RAI14: variants seen among roughly 807,000 people sequenced by gnomAD.
The protein encoded by RAI14 is retinoic acid induced 14.
In RAI14, 45 loss-of-function variants were observed where a neutral mutation model predicts 115.4. The ratio of observed to expected loss-of-function variants is 0.39; its 90% confidence interval spans 0.31 to 0.50. RAI14 has a LOEUF of 0.50. RAI14 is among the 20% of genes least tolerant of loss of function. The pLI, the probability that RAI14 is intolerant of heterozygous loss-of-function variation, is 0.85. For synonymous variants in RAI14, 371 were observed against 415.4 expected (o/e 0.89, Z 1.30); for missense variants, 939 against 1,131.2 (o/e 0.83, Z 2.44).
intron 2 of RAI14, among the ~76,000 whole-genome samples, chr5:34,703,353 G>C (rs1204278474): frequency 1.3e-5 from 2 of 152,144 alleles, no homozygotes; most frequent in Non-Finnish European, 2.9e-5. Flanking sequence ...CTAAAAATTA[G>C]AAACCACTTA....
intron 2 of RAI14, among the ~76,000 whole-genome samples, chr5:34,720,532 TC>T (rs1742560657): frequency 6.8e-6 from 1 of 147,496 alleles, no homozygotes; most frequent in Admixed American, 7.0e-5. Context: ...TGCCTCAGCC[TC>T]CCGAGTAGCT....
At chr5:34,808,945 T>C (rs577426935) in intron 7 of RAI14, among the ~76,000 whole-genome samples, 6 of 152,174 alleles carry the variant, frequency 3.9e-5, no homozygotes, top group Non-Finnish European at 8.8e-5. Flanking sequence ...GCTGATCTTA[T>C]AGGCAGTACT....
chr5:34,690,419 T>G (rs996257372), intron 2 of RAI14, among the ~76,000 whole-genome samples: 3 of 152,214 alleles, frequency 2.0e-5, no homozygotes, highest in African/African-American at 7.2e-5. Flanking sequence ...TGTGATCGCA[T>G]TTCAGCCAGC....
At chr5:34,685,480 G>T (rs1230569796) in intron 1 of RAI14, among the ~76,000 whole-genome samples, 1 of 151,582 alleles carries the variant, frequency 6.6e-6, no homozygotes, top group Non-Finnish European at 1.5e-5. Flanking sequence ...AGGGATAAAA[G>T]ACAACATATT....
intron 2 of RAI14, among the ~76,000 whole-genome samples, chr5:34,745,862 G>A (rs895662423): frequency 6.6e-6 from 1 of 151,984 alleles, no homozygotes; most frequent in Admixed American, 6.6e-5. Context: ...CCACTGACCG[G>A]GCTTACTCTG....
At chr5:34,727,757 C>T (rs969370659) in intron 2 of RAI14, among the ~76,000 whole-genome samples, 3 of 152,120 alleles carry the variant, frequency 2.0e-5, no homozygotes, top group African/African-American at 4.8e-5. Flanking sequence ...GTTTGGGAAC[C>T]TCCGCCTAGA....
rs1018665162 is a variant in RAI14 at position 34,827,752 on chromosome 5, T to C, written c.2799+1273T>C. Among the ~76,000 whole-genome samples the C allele has an allele frequency of 6.6e-6, 1 of 152,230 alleles. No individual in the cohort carries two copies. Among genetic ancestry groups the C allele is most frequent in the African/African-American group, 2.4e-5 (1 of 41,450 alleles). ...CTATTGGTTTATACAGTAATTCTTA[T>C]AATTACGCAACATGTGTTTGTTGAG... On this transcript the variant is annotated intron_variant, in intron 16 of 17. Transcript: ENST00000265109. This position sits in a 1 kb window ranked among gnomAD's most constrained non-coding sequence, Gnocchi z 4.2.
In RAI14 at chr5:34,791,405, A is replaced by G. The variant is rs115921171; in HGVS notation, c.168-4534A>G. Among the ~76,000 whole-genome samples the G allele has an allele frequency of 6.2e-3, 951 of 152,260 alleles. 9 individuals are homozygous for G. The highest frequency in any genetic ancestry group is 0.022 in the African/African-American group (925 of 41,538). On this transcript the variant is annotated intron_variant, in intron 3 of 17. Transcript: ENST00000265109. The surrounding 1 kb of genome is among the most constrained non-coding windows in gnomAD (Gnocchi z 5.4). ...TTTGAAGTCACTTATTATATGCCATATAATTAAAAAGTTATATGGTATATT... is the reference window on the plus strand; with the variant it reads ...TTTGAAGTCACTTATTATATGCCATGTAATTAAAAAGTTATATGGTATATT...
chr5:34,793,603 A>T (rs1753177453), intron 3 of RAI14, among the ~76,000 whole-genome samples: 1 of 152,338 alleles, frequency 6.6e-6, no homozygotes, highest in East Asian at 1.9e-4. Context: ...AGCTTTCTTT[A>T]CATGTTATAT....
At chr5:34,671,586 C>A (rs1414555604) in intron 1 of RAI14, among the ~76,000 whole-genome samples, 1 of 151,758 alleles carries the variant, frequency 6.6e-6, no homozygotes, top group African/African-American at 2.4e-5. Context: ...TGCAAGCAAA[C>A]CACTAATACA....
intron 2 of RAI14, among the ~76,000 whole-genome samples, chr5:34,690,102 T>C (rs368466401): frequency 6.6e-6 from 1 of 152,206 alleles, no homozygotes; most frequent in African/African-American, 2.4e-5. Context: ...TGTTTTTCAA[T>C]GTATGCCTTT....
In RAI14 at chr5:34,732,792, A is replaced by C. The variant is rs182300015; in HGVS notation, c.37-24676A>C. Reference sequence around the variant, plus strand: ...ATATTATATTTATGATATATATTTTAAAGTCATTTATGTATATATATAATA... The same window carrying C: ...ATATTATATTTATGATATATATTTTCAAGTCATTTATGTATATATATAATA... On this transcript the variant is annotated intron_variant, in intron 2 of 17. Transcript: ENST00000265109. 3.6e-4 allele frequency among the ~76,000 whole-genome samples: 54 copies of C among 148,748 alleles called. No individual in the cohort carries two copies. In the East Asian group the frequency reaches 0.01, roughly 28 times the overall value.
intron 3 of RAI14, among the ~76,000 whole-genome samples, chr5:34,758,937 G>A (rs1269745188): frequency 1.3e-5 from 2 of 152,114 alleles, no homozygotes; most frequent in Non-Finnish European, 2.9e-5. Context: ...AAGAAACCTG[G>A]GGTATCTGTC....
chr5:34,781,136 A>G (rs12656657), intron 3 of RAI14, among the ~76,000 whole-genome samples: 2 of 148,124 alleles, frequency 1.4e-5, no homozygotes, highest in Non-Finnish European at 3.0e-5. Context: ...AAAACCAAGC[A>G]CCGCATGTTC....
chr5:34,817,415 T>G (rs1335541211), intron 12 of RAI14, among the ~76,000 whole-genome samples: 1 of 152,168 alleles, frequency 6.6e-6, no homozygotes, highest in Non-Finnish European at 1.5e-5. Flanking sequence ...GGTATAACTA[T>G]TACCAGTTTG....
intron 1 of RAI14, among the ~76,000 whole-genome samples, chr5:34,671,479 C>T (rs564260837): frequency 7.9e-5 from 12 of 152,232 alleles, no homozygotes; most frequent in Admixed American, 2.0e-4. Context: ...GGAGCGTATA[C>T]ATTTTCTGCT....
At chr5:34,740,645 A>G (rs1745392437) in intron 2 of RAI14, among the ~76,000 whole-genome samples, 1 of 152,074 alleles carries the variant, frequency 6.6e-6, no homozygotes, top group Admixed American at 6.6e-5. Context: ...GGGGCTGGGG[A>G]GACCGTGATG....
intron 1 of RAI14, among the ~76,000 whole-genome samples, chr5:34,678,405 AC>A (rs1379547624): frequency 1.5e-4 from 23 of 152,172 alleles, no homozygotes; most frequent in African/African-American, 5.3e-4. Flanking sequence ...CTAAGTCCTA[AC>A]CCCCAGTTTC....
chr5:34,802,284 C>G (rs570670538), intron 4 of RAI14, among the ~76,000 whole-genome samples: 2 of 152,122 alleles, frequency 1.3e-5, no homozygotes, highest in Non-Finnish European at 2.9e-5. Flanking sequence ...AGTGCATCTA[C>G]GGCCATACCA....
Sources: allele counts gnomAD v4.1 joint callset (sites outside exome capture counted in the v4.1 genomes callset), GRCh38; gene constraint gnomAD v4.1.1; non-coding constraint Gnocchi (gnomAD v3.1); transcripts MANE v1.5; gene names NCBI Gene and HGNC (gene_info 2026-07-23, HGNC 2026-07-21).